SASS6: variants seen among roughly 807,000 people sequenced by gnomAD.
SASS6 encodes SAS-6 centriolar assembly protein, also known as spindle assembly abnormal protein 6 homolog.
A neutral mutation model predicts 94.9 loss-of-function variants in SASS6; 59 were observed. The observed-to-expected ratio is 0.62, with a 90% CI of 0.50 to 0.77. The LOEUF is 0.77. Ranked by LOEUF, SASS6 falls within the 30% of genes least tolerant of loss-of-function variation. The pLI, the probability that SASS6 is intolerant of heterozygous loss-of-function variation, is 0.00. For synonymous variants in SASS6, 264 were observed against 270.0 expected, an observed-to-expected ratio of 0.98 and a Z score of 0.22; for missense variants, 698 against 734.1, an observed-to-expected ratio of 0.95 and a Z score of 0.57.
At chr1:100,114,504 T>TGA (rs1195176964) in intron 7 of SASS6, among the ~76,000 whole-genome samples, 1 of 150,524 alleles carries the variant, frequency 6.6e-6, no homozygotes, top group African/African-American at 2.4e-5. Flanking sequence ...ACCAACATAG[T>TGA]GAGACTCCAT....
rs891234045 is a variant in SASS6 at position 100,125,295 on chromosome 1, T to TTA, written c.126+585_126+586dup. ...AAAATATATTTTTATATATATGTTA[T>TTA]TATATATATATAATATGCAACTTCT... On this transcript the variant is annotated intron_variant, in intron 2 of 16. Coordinates refer to ENST00000287482, the MANE Select transcript of SASS6 (RefSeq NM_194292.3). 1.1e-3 allele frequency among the ~76,000 whole-genome samples: 162 copies of TTA among 149,868 alleles called. 1 individual carries two copies. Among genetic ancestry groups the TTA allele is most frequent in the African/African-American group, 3.6e-3 (145 of 40,764 alleles).
At chr1:100,118,324 AAAAG>A (rs1292530075) in intron 7 of SASS6, among the ~76,000 whole-genome samples, 1 of 152,196 alleles carries the variant, frequency 6.6e-6, no homozygotes, top group African/African-American at 2.4e-5. Context: ...TCAAAAAAAA[AAAAG>A]AAGAATTAAG....
At chr1:100,107,222 T>A (rs756088263) in intron 11 of SASS6, 152 bp downstream of exon 11, 85 of 614,800 alleles carry the variant, frequency 1.4e-4, no homozygotes, top group Non-Finnish European at 2.2e-4. Context: ...CTTTCCAAAC[T>A]GAAACAGGTT....
Position 100,107,471 on chromosome 1 carries a change from T to G in SASS6, c.1229A>C (p.Gln410Pro). Reference protein sequence around the residue: ...KLKLKNTVTIQQEKLLAEKEE... With the variant: ...KLKLKNTVTIPQEKLLAEKEE... Reference sequence around the variant, plus strand: ...CTTCTCAGCCAAGAGTTTTTCTTGCTGAATAGTAACTGTATTCTTCAATTT... The same window carrying G: ...CTTCTCAGCCAAGAGTTTTTCTTGCGGAATAGTAACTGTATTCTTCAATTT... Residue 410 changes from glutamine (Q) to proline (P), a missense_variant, in exon 11 of 17, where the codon CAG becomes CCG. Gln to Pro is a moderately conservative substitution (Grantham distance 76, BLOSUM62 -1). Transcript: ENST00000287482. 6.2e-7 allele frequency: 1 copy of G among 1,606,734 alleles called. No individual in the cohort carries two copies. Among genetic ancestry groups the G allele is most frequent in the Non-Finnish European group, 8.5e-7 (1 of 1,173,630 alleles).
chr1:100,107,077 A>G, intron 11 of SASS6, 84 bp from the exon 12 acceptor site: 1 of 643,124 alleles, frequency 1.6e-6, no homozygotes, highest in Non-Finnish European at 2.8e-6. Context: ...TAACTAAATA[A>G]TTACATAAAT....
rs143368630 is a variant in SASS6 at position 100,089,593 on chromosome 1, A to G, written c.1675-1357T>C. On this transcript the variant is annotated intron_variant, in intron 14 of 16. Transcript: ENST00000287482. ...AGTATTCAATCCAGGCAACAACGGAATAACATCTTCAAAATACAGATAGGA... is the reference window on the plus strand; with the variant it reads ...AGTATTCAATCCAGGCAACAACGGAGTAACATCTTCAAAATACAGATAGGA... Among the ~76,000 whole-genome samples, 899 of 152,258 alleles carry G rather than the reference A, an allele frequency of 5.9e-3. 6 individuals are homozygous for G. The highest frequency in any genetic ancestry group is 0.021 in the African/African-American group (867 of 41,578).
chr1:100,106,311 T>C (rs1354448398), intron 12 of SASS6, among the ~76,000 whole-genome samples: 2 of 152,108 alleles, frequency 1.3e-5, no homozygotes, highest in Non-Finnish European at 2.9e-5. Context: ...AACACAGCTA[T>C]TAAAAAAAGG....
In SASS6 at chr1:100,120,433, T is replaced by C; in HGVS notation, c.510A>G (p.Ser170=). ...SKEEKLSLMQ[S]LDDATKQLDF... ...CCAGTTGCTTAGTAGCATCATCTAG[T>C]GATTGCATCAATGATAATTTTTCTT... Residue 170 remains serine (S), a synonymous_variant, in exon 6 of 17, where the codon TCA becomes TCG. Coordinates refer to ENST00000287482, the MANE Select transcript of SASS6 (RefSeq NM_194292.3). The C allele has an allele frequency of 1.3e-6, 2 of 1,497,150 alleles. No homozygotes were observed. The highest frequency in any genetic ancestry group is 1.9e-6 in the Non-Finnish European group (2 of 1,074,672). 92.7% of individuals were successfully genotyped at this position (1,497,150 alleles called of 1,614,324 possible). A position where few individuals can be genotyped will look rare whatever the true frequency, so the allele number is the denominator to read the frequency against.
At chr1:100,120,754 T>A (rs920664655) in intron 5 of SASS6, among the ~76,000 whole-genome samples, 1 of 152,160 alleles carries the variant, frequency 6.6e-6, no homozygotes, top group African/African-American at 2.4e-5. Flanking sequence ...TCTTATCTCA[T>A]TAAAGATGGG....
chr1:100,086,204 T>C (rs1651240187), intron 15 of SASS6, among the ~76,000 whole-genome samples: 1 of 152,174 alleles, frequency 6.6e-6, no homozygotes, highest in Admixed American at 6.5e-5. Context: ...CTAGTATTAC[T>C]TGTAATAAGA....
chr1:100,130,578 A>G (rs1654929660), intron 1 of SASS6, among the ~76,000 whole-genome samples: 1 of 151,728 alleles, frequency 6.6e-6, no homozygotes, highest in Non-Finnish European at 1.5e-5. Context: ...AATTGCAGCT[A>G]CTCAGGAGGC....
At chr1:100,095,895 TGAGA>T (rs1362094316) in intron 14 of SASS6, among the ~76,000 whole-genome samples, 12 of 152,200 alleles carry the variant, frequency 7.9e-5, no homozygotes, top group Non-Finnish European at 1.6e-4. Context: ...AAAACATTAC[TGAGA>T]GAAAGTAAAG....
At chr1:100,122,505 G>C in intron 3 of SASS6, 21 bp from the exon 4 acceptor site, 52 of 749,764 alleles carry the variant, frequency 6.9e-5, no homozygotes, top group Non-Finnish European at 9.1e-5. Flanking sequence ...GAAAGGAAAA[G>C]AAATTTTTTA....
chr1:100,119,817 G>A (rs1039360650), intron 6 of SASS6, among the ~76,000 whole-genome samples: 3 of 152,174 alleles, frequency 2.0e-5, no homozygotes, highest in Non-Finnish European at 4.4e-5. Context: ...AAGCCAAGCA[G>A]ATGTTGGTGC....
chr1:100,120,071 C>A (rs1187502608), intron 6 of SASS6, among the ~76,000 whole-genome samples: 1 of 152,060 alleles, frequency 6.6e-6, no homozygotes, highest in African/African-American at 2.4e-5. Context: ...ACTGAAAAGC[C>A]ATTTAGGCCA....
chr1:100,088,763 A>G (rs1651479565), intron 14 of SASS6, among the ~76,000 whole-genome samples: 1 of 150,958 alleles, frequency 6.6e-6, no homozygotes, highest in African/African-American at 2.4e-5. Context: ...TAAGCCCTGG[A>G]GTTTGGGGTT....
chr1:100,127,821 C>T (rs910820637), intron 1 of SASS6, among the ~76,000 whole-genome samples: 2 of 100,564 alleles, frequency 2.0e-5, no homozygotes, highest in African/African-American at 7.8e-5. Context: ...ATTAAGCTTT[C>T]GTGGTGGGGT....
chr1:100,130,214 T>C (rs774635006), intron 1 of SASS6, among the ~76,000 whole-genome samples: 6 of 152,202 alleles, frequency 3.9e-5, no homozygotes, highest in Non-Finnish European at 8.8e-5. Flanking sequence ...ATTTCCCCTA[T>C]TAAAATGTGA....
In SASS6 at chr1:100,107,390, C is replaced by T. The variant is rs778635555; in HGVS notation, c.1310G>A (p.Arg437Gln). 1.4e-5 allele frequency: 23 copies of T among 1,594,042 alleles called. No homozygotes were observed. The highest frequency in any genetic ancestry group is 6.8e-5 in the African/African-American group (5 of 73,898). The stretch of plus-strand genomic sequence containing the variant: ...ATTAACTACCTCTTGCTCTTTAATT[C>T]GAAGAGACTGTCCAACATCTTGTAA... ...KELQDVGQSLRIKEQEVCKLQ... is the reference protein window; with the variant it reads ...KELQDVGQSLQIKEQEVCKLQ... Residue 437 changes from arginine (R) to glutamine (Q), a missense_variant, in exon 11 of 17, where the codon CGA becomes CAA. Transcript: ENST00000287482.
Sources: allele counts gnomAD v4.1 joint callset (sites outside exome capture counted in the v4.1 genomes callset), GRCh38; gene constraint gnomAD v4.1.1; transcripts MANE v1.5; gene names NCBI Gene and HGNC (gene_info 2026-07-23, HGNC 2026-07-21).